The following NOTCH1 variants were observed in gnomAD, a reference collection of about 807,000 sequenced individuals.
The protein encoded by NOTCH1 is notch receptor 1.
Under a neutral mutation model 254.8 loss-of-function variants are expected in NOTCH1, and 37 were observed. The ratio of observed to expected loss-of-function variants is 0.15; its 90% CI spans 0.11 to 0.19. The LOEUF is 0.19. Among genes scored for constraint, NOTCH1 ranks in the 10% least tolerant of loss-of-function variants. The pLI is 1.00. For missense variants in NOTCH1, 2,972 were observed against 3,708.6 expected (o/e 0.80, Z 5.16); for synonymous variants, 1,731 against 1,618.1 (o/e 1.07, Z -1.68).
At chr9:136,523,661 G>A (rs2133378697) in intron 3 of NOTCH1, 56 bp downstream of exon 3, 1 of 1,555,146 alleles carries the variant, frequency 6.4e-7, no homozygotes, top group Non-Finnish European at 8.7e-7. Context: ...AGTTGCCTGG[G>A]CAGCTGGCGG....
In NOTCH1 at chr9:136,515,399, T is replaced by C. The variant is rs376160173; in HGVS notation, c.1905A>G (p.Gly635=). ...YLCFCLKGTT[G]PNCEINLDDC... The stretch of plus-strand genomic sequence containing the variant: ...CATCCAGGTTGATCTCGCAGTTGGG[T>C]CCTGAAGGGGTGGCACGTGTCGGTC... Residue 635 remains glycine, a splice_region_variant and synonymous_variant, in exon 12 of 34, where the codon GGA becomes GGG. Transcript: ENST00000651671. 2 of 1,612,706 alleles carry C rather than the reference T, an allele frequency of 1.2e-6. No individual in the cohort carries two copies. Among genetic ancestry groups the C allele is most frequent in the African/African-American group, 2.7e-5 (2 of 74,912 alleles).
rs1453185145 is a variant in NOTCH1 at position 136,505,645 on chromosome 9, G to A, written c.4251C>T (p.Pro1417=). The A allele has an allele frequency of 1.2e-5, 19 of 1,612,220 alleles. 1 individual carries two copies. The Admixed American group carries it at 1.7e-4, about 14-fold the overall frequency. ...GGCACAAGAGCCCGTTGAATTTGGC[G>A]GGGCACAGGCAACGGTAGAAGGGGC... ...SESPFYRCLC[P]AKFNGLLCHI... The change falls in exon 25 of 34, where the codon CCC becomes CCT. Residue 1417 remains proline (P), a synonymous_variant. Coordinates refer to ENST00000651671, the MANE Select transcript of NOTCH1 (RefSeq NM_017617.5).
At chr9:136,502,598 C>G (rs1843016664) in intron 27 of NOTCH1, 110 bp from the exon 28 acceptor site, 1 of 614,942 alleles carries the variant, frequency 1.6e-6, no homozygotes, top group Admixed American at 3.3e-5. Flanking sequence ...GCCTCCTCAC[C>G]CACTCTCCTC....
intron 2 of NOTCH1, among the ~76,000 whole-genome samples, chr9:136,535,503 AGGG>A (rs1843633465): frequency 4.0e-5 from 3 of 74,970 alleles, no homozygotes; most frequent in African/African-American, 8.5e-5. Flanking sequence ...CAATGGGTGC[AGGG>A]TGGGAGTGGG....
intron 1 of NOTCH1, 72 bp from the exon 2 acceptor site, chr9:136,544,174 G>C (rs1843776644): frequency 7.0e-7 from 1 of 1,427,240 alleles, no homozygotes; most frequent in Non-Finnish European, 9.6e-7. Context: ...GTTACCCTGG[G>C]GGCGGGGACC....
intron 2 of NOTCH1, among the ~76,000 whole-genome samples, chr9:136,538,672 A>AGCT (rs1239195966): frequency 6.6e-6 from 1 of 152,212 alleles, no homozygotes; most frequent in Admixed American, 6.5e-5. Context: ...TGAAGGTGAA[A>AGCT]GCTGACGCCA....
At position 136,506,057 on chromosome 9, in the gene NOTCH1, C is replaced by T. The variant is rs1343393863; in HGVS notation, c.4015-176G>A. ...ACACATTCTACCAACAGAGAAAGAT[C>T]GGGGGTGCCAGGGGGTCGGGAGATG... On this transcript the variant is annotated intron_variant, in intron 24 of 33. Coordinates refer to ENST00000651671, the MANE Select transcript of NOTCH1 (RefSeq NM_017617.5). This position sits in a 1 kb window ranked among gnomAD's most constrained non-coding sequence, Gnocchi z 4.5. Among the ~76,000 whole-genome samples, 2 of 152,126 alleles carry T rather than the reference C, an allele frequency of 1.3e-5. No individual in the cohort carries two copies. The highest frequency in any genetic ancestry group is 2.4e-5 in the African/African-American group (1 of 41,414).
chr9:136,519,342 C>G (rs1350629353), intron 5 of NOTCH1, 101 bp downstream of exon 5: 16 of 1,532,842 alleles, frequency 1.0e-5, no homozygotes, highest in South Asian at 1.0e-4. Context: ...TGGCCTGGGA[C>G]AGGGTCTCGG....
At chr9:136,543,736 TA>T (rs949171130) in intron 2 of NOTCH1, 1 of 555,286 alleles carries the variant, frequency 1.8e-6, no homozygotes, top group African/African-American at 1.9e-5. Flanking sequence ...CTTGGGGACT[TA>T]AAGAAGAATT....
In NOTCH1 at chr9:136,505,924, C is replaced by A. The variant is rs1843077929; in HGVS notation, c.4015-43G>T. The A allele has an allele frequency of 1.3e-6, 2 of 1,492,512 alleles. 1 individual carries two copies. Among genetic ancestry groups the A allele is most frequent in the South Asian group, 2.4e-5 (2 of 82,054 alleles). The allele number at this position is 1,492,512 out of a possible 1,614,324, so 92.5% of individuals were successfully genotyped here. On this transcript the variant is annotated intron_variant, in intron 24 of 33. Transcript: ENST00000651671. ...CAGGACGGTGTCGGGGTGGGCCACC[C>A]CCCGCCCCCCCGCCACCTCACACCC...
At position 136,514,668 on chromosome 9, in the gene NOTCH1, C is replaced by T. The variant is rs61751553; in HGVS notation, c.2049G>A (p.Ala683=). The change falls in exon 13 of 34, where the codon GCG becomes GCA. Residue 683 remains alanine, a synonymous_variant. Coordinates refer to ENST00000651671, the MANE Select transcript of NOTCH1 (RefSeq NM_017617.5). ...SMCNINIDEC[A]GNPCHNGGTC... ...TGCCCCCGTTGTGGCAGGGGTTGCC[C>T]GCACACTCATCGATGTTGATGTTAC... is the stretch of plus-strand genomic sequence containing the variant. The T allele has an allele frequency of 1.1e-3, 1,805 of 1,612,312 alleles. 2 individuals carry two copies. Among genetic ancestry groups the T allele is most frequent in the Non-Finnish European group, 1.3e-3 (1,563 of 1,179,812 alleles).
Position 136,495,309 on chromosome 9 carries a change from T to C in NOTCH1, c.*762A>G, listed in dbSNP as rs147349918. ...GTTCTGGAGGGACCAAGAACTTGTA[T>C]AACCAACGAACAACTACATAATACT... is the stretch of plus-strand genomic sequence containing the variant. On this transcript the variant is annotated 3_prime_UTR_variant, in exon 34 of 34. Transcript: ENST00000651671. The C allele has an allele frequency of 1.0e-3, 405 of 398,978 alleles. No individual in the cohort carries two copies. The highest frequency in any genetic ancestry group is 7.9e-3 in the African/African-American group (386 of 48,752). The allele number at this position is 398,978 out of a possible 1,614,324, so 24.7% of individuals were successfully genotyped here.
Position 136,507,000 on chromosome 9 carries a change from C to T in NOTCH1, c.3644-27G>A, listed in dbSNP as rs543250140. 32 of 1,551,966 alleles carry T rather than the reference C, an allele frequency of 2.1e-5. No homozygotes were observed. Among genetic ancestry groups the T allele is most frequent in the Admixed American group, 1.9e-4 (10 of 51,440 alleles). ...TGCGGGGCCAGGTTTCGTCAGTGGC[C>T]CAAGCCCGCCACACCCCGGCCCTGC... On this transcript the variant is annotated intron_variant, in intron 22 of 33. Coordinates refer to ENST00000651671, the MANE Select transcript of NOTCH1 (RefSeq NM_017617.5). This position sits in a 1 kb window ranked among gnomAD's most constrained non-coding sequence, Gnocchi z 4.5.
intron 2 of NOTCH1, among the ~76,000 whole-genome samples, chr9:136,538,211 G>C (rs1843683352): frequency 6.6e-6 from 1 of 152,104 alleles, no homozygotes; most frequent in Non-Finnish European, 1.5e-5. Context: ...GGGTGGGGCA[G>C]GGCCACAAGG....
At chr9:136,518,468 G>T in intron 6 of NOTCH1, 123 bp downstream of exon 6, 8 of 1,121,356 alleles carry the variant, frequency 7.1e-6, no homozygotes, top group Non-Finnish European at 9.1e-6. Flanking sequence ...CGGCCTCCCT[G>T]ACCAGAAAGG....
intron 2 of NOTCH1, among the ~76,000 whole-genome samples, chr9:136,538,903 T>C (rs1480549001): frequency 6.6e-6 from 1 of 152,218 alleles, no homozygotes. Context: ...CCTTTCACTA[T>C]TTATAGACGA....
At chr9:136,541,383 G>A (rs1200323771) in intron 2 of NOTCH1, among the ~76,000 whole-genome samples, 2 of 152,302 alleles carry the variant, frequency 1.3e-5, no homozygotes, top group East Asian at 3.9e-4. Flanking sequence ...GCACTGTGAC[G>A]CCCATCATGA....
In NOTCH1 at chr9:136,506,446, T is replaced by G; in HGVS notation, c.4014+81A>C. On this transcript the variant is annotated intron_variant, in intron 24 of 33. Coordinates refer to ENST00000651671, the MANE Select transcript of NOTCH1 (RefSeq NM_017617.5). This position sits in a 1 kb window ranked among gnomAD's most constrained non-coding sequence, Gnocchi z 4.5. ...GAAGGCCGGGAGGATCACTGCCCGG[T>G]CTGCGCCCCGAGGCCCCCACGTGGA... 1 of 1,235,576 alleles carries G rather than the reference T, an allele frequency of 8.1e-7. No homozygotes were observed. Among genetic ancestry groups the G allele is most frequent in the East Asian group, 2.6e-5 (1 of 39,080 alleles). 76.5% of individuals were successfully genotyped at this position (1,235,576 alleles called of 1,614,324 possible).
Position 136,522,919 on chromosome 9 carries a change from A to G in NOTCH1, c.673T>C (p.Ser225Pro). The stretch of plus-strand genomic sequence containing the variant: ...CAGGTGCCCCCGTTCTGGCAGGGCG[A>G]GGGGCTGCAGGGCACGTAGGGCCGC... ...CERPYVPCSPSPCQNGGTCRP... is the reference protein window; with the variant it reads ...CERPYVPCSPPPCQNGGTCRP... The change falls in exon 4 of 34, where the codon TCG becomes CCG. Residue 225 changes from serine to proline, a missense_variant. Ser to Pro is a moderately conservative substitution (Grantham distance 74). This residue lies in a region of NOTCH1 where 374 missense variants were observed against 496.3 expected (regional missense o/e 0.75). Coordinates refer to ENST00000651671, the MANE Select transcript of NOTCH1 (RefSeq NM_017617.5). The G allele has an allele frequency of 6.5e-7, 1 of 1,546,166 alleles. No homozygotes were observed.
Sources: gnomAD v4.1 joint callset for allele counts (sites outside exome capture counted in the v4.1 genomes callset) on GRCh38, gnomAD v4.1.1 for gene constraint, gnomAD v4.1.1 regional missense constraint, Gnocchi (gnomAD v3.1) non-coding constraint, MANE v1.5 for transcripts, NCBI Gene and HGNC (gene_info 2026-07-23, HGNC 2026-07-21) for gene names.